TDRD12: variants seen among roughly 807,000 people sequenced by gnomAD.
The protein encoded by TDRD12 is tudor domain containing 12, also known as putative ATP-dependent RNA helicase TDRD12.
TDRD12 carries 158 observed loss-of-function variants against 133.5 expected under a neutral mutation model. The observed-to-expected ratio is 1.18, with a 90% CI of 1.04 to 1.35. The LOEUF is 1.35. Ranked by LOEUF, TDRD12 falls within the 40% of genes most tolerant of loss-of-function variation. The probability of loss-of-function intolerance (pLI) is 0.00; values close to 1 mark genes in which losing one functional copy is unlikely to be tolerated. For missense variants in TDRD12, 1,443 were observed against 1,321.3 expected, an observed-to-expected ratio of 1.09 and a Z score of -1.43; for synonymous variants, 460 against 477.9, an observed-to-expected ratio of 0.96 and a Z score of 0.49.
rs1340447543 is a variant in TDRD12 at position 32,808,647 on chromosome 19, G to A, written c.2652+999G>A. Among the ~76,000 whole-genome samples the A allele has an allele frequency of 2.6e-5, 4 of 152,136 alleles. No homozygotes were observed. In the East Asian group the frequency reaches 5.8e-4, roughly 22 times the overall value. Reference sequence around the variant, plus strand: ...GGTCAAAGTCACAGTGAGCTTGGGGGTTAGGACATGGACATACCTCTTTTG... The same window carrying A: ...GGTCAAAGTCACAGTGAGCTTGGGGATTAGGACATGGACATACCTCTTTTG... On this transcript the variant is annotated intron_variant, in intron 22 of 27. Transcript: ENST00000444215.
At chr19:32,745,368 T>G (rs1969571262) in intron 4 of TDRD12, among the ~76,000 whole-genome samples, 1 of 152,210 alleles carries the variant, frequency 6.6e-6, no homozygotes, top group Non-Finnish European at 1.5e-5. Context: ...ATCTGATGCC[T>G]TTGTGTTTGT....
intron 22 of TDRD12, 52 bp from the exon 23 acceptor site, chr19:32,810,041 T>G: frequency 8.3e-7 from 1 of 1,205,010 alleles, no homozygotes. Context: ...TGTGTACATA[T>G]CCGGTTTAGA....
intron 3 of TDRD12, among the ~76,000 whole-genome samples, chr19:32,740,059 T>A (rs1315869457): frequency 1.3e-4 from 10 of 75,418 alleles, no homozygotes; most frequent in South Asian, 6.0e-4. Context: ...CTCCTGGTGC[T>A]CTCTCTGCAT....
At chr19:32,795,073 G>A (rs992694093) in intron 14 of TDRD12, among the ~76,000 whole-genome samples, 3 of 152,210 alleles carry the variant, frequency 2.0e-5, no homozygotes, top group East Asian at 1.9e-4. Context: ...GGTGGCTCAC[G>A]CCTGTAATCC....
chr19:32,754,388 G>A (rs1296363904), intron 6 of TDRD12, among the ~76,000 whole-genome samples: 2 of 152,104 alleles, frequency 1.3e-5, no homozygotes, highest in Admixed American at 6.6e-5. Flanking sequence ...AGGATCACTT[G>A]TGCCTGGGAG....
chr19:32,808,935 A>G (rs886392887), intron 22 of TDRD12, among the ~76,000 whole-genome samples: 2 of 151,652 alleles, frequency 1.3e-5, no homozygotes, highest in African/African-American at 4.8e-5. Flanking sequence ...TCTCTTTTTA[A>G]TTATTTTATT....
exon 16 of TDRD12, chr19:32,798,329 C>T: frequency 6.5e-7 from 1 of 1,535,470 alleles, no homozygotes; most frequent in Non-Finnish European, 8.7e-7. Flanking sequence ...GTTACGACCC[C>T]ATACAGCCTG....
chr19:32,774,047 GAGA>G (rs1337899210), intron 10 of TDRD12, among the ~76,000 whole-genome samples: 1 of 152,218 alleles, frequency 6.6e-6, no homozygotes. Flanking sequence ...AGGGCGGAAA[GAGA>G]AGAATGGTTT....
At position 32,826,760 on chromosome 19, in the gene TDRD12, G is replaced by C. The variant is rs780457538; in HGVS notation, c.1049+162G>C. 2.7e-5 allele frequency: 33 copies of C among 1,231,384 alleles called. No homozygotes were observed. The highest frequency in any genetic ancestry group is 3.2e-5 in the East Asian group (1 of 31,708). The allele number at this position is 1,231,384 out of a possible 1,614,324, so 76.3% of individuals were successfully genotyped here. A position where few individuals can be genotyped will look rare whatever the true frequency, so the allele number is the denominator to read the frequency against. ...GCCACTTCCCCAAGGGTAAGGCATA[G>C]AGCGCCCACTCTCCGAGGGGTTGTA... On this transcript the variant is annotated intron_variant, in intron 9 of 9. Coordinates refer to the TDRD12 transcript ENST00000637289.
chr19:32,797,468 C>T (rs1220107103), intron 14 of TDRD12, among the ~76,000 whole-genome samples: 1 of 152,162 alleles, frequency 6.6e-6, no homozygotes, highest in Non-Finnish European at 1.5e-5. Flanking sequence ...TGAAGTGAAG[C>T]AGTGACAGCC....
chr19:32,743,440 G>A (rs1325799966), intron 4 of TDRD12, among the ~76,000 whole-genome samples: 2 of 151,436 alleles, frequency 1.3e-5, no homozygotes, highest in East Asian at 1.9e-4. Flanking sequence ...TTGAGATAGG[G>A]TCTCACTATC....
In TDRD12 at chr19:32,790,513, C is replaced by T; in HGVS notation, c.1122-18C>T. 6.5e-7 allele frequency: 1 copy of T among 1,548,770 alleles called. No homozygotes were observed. The highest frequency in any genetic ancestry group is 8.7e-7 in the Non-Finnish European group (1 of 1,145,776). ...CAAACACCTTTTTCTTCACATTCTT[C>T]TTTTAACTATCTTACAGATTACTGC... On this transcript the variant is annotated intron_variant, in intron 11 of 27. Transcript: ENST00000444215.
At chr19:32,794,938 C>T (rs1370835462) in intron 14 of TDRD12, 125 bp downstream of exon 14, 2 of 614,910 alleles carry the variant, frequency 3.3e-6, no homozygotes, top group East Asian at 2.7e-5. Flanking sequence ...AGGCCAGAAA[C>T]TGTCCTGTGG....
At chr19:32,813,712 T>C in exon 25 of TDRD12, 2 of 1,534,882 alleles carry the variant, frequency 1.3e-6, no homozygotes, top group African/African-American at 1.4e-5. Flanking sequence ...CATAAAATTG[T>C]TGGAAAATTG....
At chr19:32,737,553 A>G (rs1214986622) in intron 2 of TDRD12, among the ~76,000 whole-genome samples, 1 of 151,916 alleles carries the variant, frequency 6.6e-6, no homozygotes, top group Non-Finnish European at 1.5e-5. Context: ...TTTTTGAGAC[A>G]GGGTCTCACT....
At chr19:32,742,753 A>G in intron 3 of TDRD12, 28 bp from the exon 4 acceptor site, 1 of 1,547,686 alleles carries the variant, frequency 6.5e-7, no homozygotes. Flanking sequence ...TTTCTATATA[A>G]TGGAGCTGTT....
chr19:32,821,367 AGAGTGTGTGT>A, downstream of TDRD12: 2 of 486,140 alleles, frequency 4.1e-6, no homozygotes, highest in Non-Finnish European at 7.2e-6. Context: ...ACAGCTCAGC[AGAGTGTGTGT>A]GTGTGTGTGT....
chr19:32,756,916 C>T (rs568266241), intron 7 of TDRD12, 122 bp from the exon 8 acceptor site: 17 of 745,864 alleles, frequency 2.3e-5, no homozygotes, highest in African/African-American at 2.1e-4. Context: ...CTTGTGTCCC[C>T]TAGTCAGGTT....
intron 6 of TDRD12, among the ~76,000 whole-genome samples, chr19:32,755,213 AT>A (rs1239347414): frequency 2.0e-5 from 3 of 152,202 alleles, no homozygotes; most frequent in Admixed American, 2.0e-4. Context: ...ACAGATATTT[AT>A]GTACAAGTCT....
Sources: allele counts gnomAD v4.1 joint callset (sites outside exome capture counted in the v4.1 genomes callset), GRCh38; gene constraint gnomAD v4.1.1; transcripts MANE v1.5; gene names NCBI Gene and HGNC (gene_info 2026-07-23, HGNC 2026-07-21).